The following MPRIP variants were observed in gnomAD, a reference collection of about 807,000 sequenced individuals.
The protein encoded by MPRIP is myosin phosphatase Rho-interacting protein.
MPRIP carries 59 observed loss-of-function variants against 234.9 expected under a neutral mutation model. The ratio of observed to expected loss-of-function variants is 0.25; its 90% confidence interval spans 0.20 to 0.31. The LOEUF (loss-of-function observed/expected upper bound fraction) is 0.31, where lower values mean the gene tolerates loss of function less well. MPRIP is among the 10% of genes least tolerant of loss of function. The pLI, the probability that MPRIP is intolerant of heterozygous loss-of-function variation, is 1.00. For missense variants in MPRIP, 2,436 were observed against 3,071.0 expected, an observed-to-expected ratio of 0.79 and a Z score of 4.89; for synonymous variants, 1,144 against 1,263.9, an observed-to-expected ratio of 0.91 and a Z score of 2.01.
chr17:17,140,089 A>G (rs1260296514), intron 7 of MPRIP, among the ~76,000 whole-genome samples: 3 of 152,216 alleles, frequency 2.0e-5, no homozygotes, highest in African/African-American at 4.8e-5. Flanking sequence ...AAGAAAATAT[A>G]TAAGTAAAGG....
intron 23 of MPRIP, chr17:17,180,533 G>C: frequency 6.7e-6 from 9 of 1,335,306 alleles, no homozygotes; most frequent in Non-Finnish European, 9.7e-6. Context: ...ACAGGAGGGC[G>C]GGCGGAGGTG....
rs542829567 is a variant in MPRIP, at chr17:17,047,152, G to T, written c.123+4181G>T. Among the ~76,000 whole-genome samples, 11 of 152,304 alleles carry T rather than the reference G, an allele frequency of 7.2e-5. No homozygotes were observed. In the South Asian group the frequency reaches 2.1e-3, roughly 29 times the overall value. ...GCCAAGATCGTGCCACAGCACTGCA[G>T]CCTGGGCAACAAAGTGAGACTCCTT... On this transcript the variant is annotated intron_variant, in intron 1 of 23. Transcript: ENST00000651222.
In MPRIP at chr17:17,164,730, G is replaced by A; in HGVS notation, c.3139G>A (p.Ala1047Thr). Residue 1047 changes from alanine (A) to threonine (T), a missense_variant, in exon 16 of 24, where the codon GCC becomes ACC. Around this residue, in one of 4 missense-constraint regions of MPRIP, gnomAD observed 1,998 missense variants for 2,520.3 expected, o/e 0.79. Transcript: ENST00000651222. ...GAACCTAAAGGAAGTGGAAGACAAG[G>A]CCAGCGCCTATGAGGACCAGCTGCA... Reference protein sequence around the residue: ...LQNLKEVEDKASAYEDQLQGQ... With the variant: ...LQNLKEVEDKTSAYEDQLQGQ... 2.3e-6 allele frequency: 3 copies of A among 1,300,694 alleles called. No individual in the cohort carries two copies. Among genetic ancestry groups the A allele is most frequent in the Non-Finnish European group, 3.0e-6 (3 of 987,736 alleles). 80.6% of individuals were successfully genotyped at this position (1,300,694 alleles called of 1,614,324 possible). A position where few individuals can be genotyped will look rare whatever the true frequency, so the allele number is the denominator to read the frequency against.
intron 1 of MPRIP, among the ~76,000 whole-genome samples, chr17:17,061,732 T>C (rs1453913340): frequency 6.6e-6 from 1 of 152,138 alleles, no homozygotes; most frequent in Non-Finnish European, 1.5e-5. Context: ...GGGTGGAGCC[T>C]GGTGTGAGGG....
In MPRIP at chr17:17,190,328, T is replaced by G. The variant is rs921928553; in HGVS notation, c.*5434T>G. 2 of 152,236 alleles carry G rather than the reference T, an allele frequency of 1.3e-5. No homozygotes were observed. Among genetic ancestry groups the G allele is most frequent in the Admixed American group, 1.3e-4 (2 of 15,284 alleles). 9.4% of individuals were successfully genotyped at this position (152,236 alleles called of 1,614,324 possible). On this transcript the variant is annotated 3_prime_UTR_variant, in exon 24 of 24. Coordinates refer to ENST00000651222, the MANE Select transcript of MPRIP (RefSeq NM_001364716.4). ...TCCTTGCACAGCAGCTACGGCAGGT[T>G]GTTCTGCAGCCACCCCTTAGAGGGG...
chr17:17,109,416 A>G (rs1306996101), intron 3 of MPRIP, among the ~76,000 whole-genome samples: 3 of 152,250 alleles, frequency 2.0e-5, no homozygotes, highest in Non-Finnish European at 4.4e-5. Context: ...CTGGGATTCA[A>G]CAGTTAAGTA....
chr17:17,165,588 A>C lies in MPRIP; in HGVS notation c.3997A>C (p.Ile1333Leu). The C allele has an allele frequency of 7.7e-7, 1 of 1,304,776 alleles. No individual in the cohort carries two copies. Among genetic ancestry groups the C allele is most frequent in the Non-Finnish European group, 1.0e-6 (1 of 989,042 alleles). 80.8% of individuals were successfully genotyped at this position (1,304,776 alleles called of 1,614,324 possible). The change falls in exon 16 of 24, where the codon ATT becomes CTT. Residue 1333 changes from isoleucine (I) to leucine (L), a missense_variant. By Grantham distance (5) the Ile-to-Leu change is conservative. Coordinates refer to ENST00000651222, the MANE Select transcript of MPRIP (RefSeq NM_001364716.4). ...CTCCACAATCCAGTGCCAAAGATAC[A>C]TTCACCCCGAAGGGTCTGAGAAGAC... Reference protein sequence around the residue: ...RFSTIQCQRYIHPEGSEKTWT... With the variant: ...RFSTIQCQRYLHPEGSEKTWT...
chr17:17,137,860 A>C, intron 6 of MPRIP, 56 bp from the exon 7 acceptor site: 1 of 1,485,842 alleles, frequency 6.7e-7, no homozygotes, highest in Non-Finnish European at 9.0e-7. Context: ...AAAAGTCCTC[A>C]AAGCAAAGCT....
chr17:17,159,104 C>A, intron 14 of MPRIP, 102 bp downstream of exon 14: 1 of 1,233,798 alleles, frequency 8.1e-7, no homozygotes, highest in Non-Finnish European at 1.1e-6. Flanking sequence ...ACAGTCCTAC[C>A]CGCGAGGGAC....
rs574425006 is a variant in MPRIP, at chr17:17,167,424, C to T, written c.5833C>T (p.Arg1945Trp). The T allele has an allele frequency of 1.5e-5, 19 of 1,304,198 alleles. No homozygotes were observed. Among genetic ancestry groups the T allele is most frequent in the African/African-American group, 6.1e-5 (4 of 65,970 alleles). 80.8% of individuals were successfully genotyped at this position (1,304,198 alleles called of 1,614,324 possible). ...SKHSMSMFTL[R>W]GRYEEEIRCV... ...GCACAGCATGAGCATGTTCACCCTG[C>T]GGGGCAGGTATGAGGAGGAGATTCG... The change falls in exon 16 of 24, where the codon CGG (arginine) becomes TGG (tryptophan). Residue 1945 changes from arginine to tryptophan, a missense_variant. Coordinates refer to ENST00000651222, the MANE Select transcript of MPRIP (RefSeq NM_001364716.4). The surrounding 1 kb of genome is among the most constrained non-coding windows in gnomAD (Gnocchi z 5.9).
intron 9 of MPRIP, 139 bp from the exon 10 acceptor site, chr17:17,145,897 G>T: frequency 1.3e-6 from 1 of 786,754 alleles, no homozygotes; most frequent in Non-Finnish European, 2.1e-6. Flanking sequence ...AGGGTGAGGG[G>T]GCTGCACAGG....
chr17:17,097,918 C>T lies in MPRIP; in HGVS notation c.267+19842C>T, dbSNP rs146829658. 4.6e-5 allele frequency among the ~76,000 whole-genome samples: 7 copies of T among 152,282 alleles called. No individual in the cohort carries two copies. The East Asian group carries it at 5.8e-4, about 13-fold the overall frequency. On this transcript the variant is annotated intron_variant, in intron 3 of 23. Coordinates refer to ENST00000651222, the MANE Select transcript of MPRIP (RefSeq NM_001364716.4). ...GACTAAGTTTGTGGTCTTTGAGAAC[C>T]GAGGTAGCCTGACCCATTGGAAGCC...
chr17:17,176,345 C>T, intron 20 of MPRIP, 81 bp from the exon 21 acceptor site: 1 of 1,078,024 alleles, frequency 9.3e-7, no homozygotes, highest in Non-Finnish European at 1.4e-6. Flanking sequence ...GGAGAGCCCT[C>T]TGCACGCTTC....
At chr17:17,054,690 T>C (rs1487781172) in intron 1 of MPRIP, among the ~76,000 whole-genome samples, 1 of 151,934 alleles carries the variant, frequency 6.6e-6, no homozygotes, top group Non-Finnish European at 1.5e-5. Context: ...AACATTGTTA[T>C]AACAAATCAA....
chr17:17,089,026 A>G (rs2089655114), intron 3 of MPRIP, among the ~76,000 whole-genome samples: 1 of 152,196 alleles, frequency 6.6e-6, no homozygotes, highest in Non-Finnish European at 1.5e-5. Flanking sequence ...GCCCACACAC[A>G]GGCACGGACC....
intron 23 of MPRIP, chr17:17,183,018 C>G (rs1001339193): frequency 6.6e-6 from 1 of 152,354 alleles, no homozygotes; most frequent in Non-Finnish European, 1.5e-5. Context: ...GAACCCTGCA[C>G]TCTGTGGGGA....
At position 17,138,380 on chromosome 17, in the gene MPRIP, C is replaced by T. The variant is rs1323561435; in HGVS notation, c.1201C>T (p.Arg401Trp). Reference protein sequence around the residue: ...RRRLERRTRARSPGREEVARL... With the variant: ...RRRLERRTRAWSPGREEVARL... ...GCGGCTGGAGCGTAGAACTCGGGCC[C>T]GGAGCCCTGGCAGGGAGGAGGTGGC... is the stretch of plus-strand genomic sequence containing the variant. Residue 401 changes from arginine (R) to tryptophan (W), a missense_variant, in exon 7 of 24, where the codon CGG becomes TGG. Arg to Trp is a moderately radical substitution (Grantham distance 101, BLOSUM62 -3). Transcript: ENST00000651222. The surrounding 1 kb of genome is among the most constrained non-coding windows in gnomAD (Gnocchi z 5.8). The T allele has an allele frequency of 6.4e-6, 2 of 311,420 alleles. No individual in the cohort carries two copies. The highest frequency in any genetic ancestry group is 8.5e-5 in the South Asian group (1 of 11,740). 19.3% of individuals were successfully genotyped at this position (311,420 alleles called of 1,614,324 possible).
intron 4 of MPRIP, among the ~76,000 whole-genome samples, chr17:17,130,765 G>A (rs1389346152): frequency 6.6e-6 from 1 of 152,102 alleles, no homozygotes; most frequent in East Asian, 1.9e-4. Context: ...ACTGCCCTCC[G>A]CTCCTCCCAC....
At position 17,165,898 on chromosome 17, in the gene MPRIP, G is replaced by A. The variant is rs1212997104; in HGVS notation, c.4307G>A (p.Ser1436Asn). ...CAGCTGCGTGAGCAGCTCCGCGCCA[G>A]CCTGCTCCAGGTTGGCGCACTGGCC... Reference protein sequence around the residue: ...EAQLREQLRASLLQVGALASQ... With the variant: ...EAQLREQLRANLLQVGALASQ... The change falls in exon 16 of 24, where the codon AGC (serine) becomes AAC (asparagine). Residue 1436 changes from serine (S) to asparagine (N), a missense_variant. Ser to Asn is a conservative substitution (Grantham distance 46). Coordinates refer to ENST00000651222, the MANE Select transcript of MPRIP (RefSeq NM_001364716.4). 1 of 1,303,954 alleles carries A rather than the reference G, an allele frequency of 7.7e-7. No individual in the cohort carries two copies. Among genetic ancestry groups the A allele is most frequent in the Non-Finnish European group, 1.0e-6 (1 of 988,784 alleles). 80.8% of individuals were successfully genotyped at this position (1,303,954 alleles called of 1,614,324 possible). A position where few individuals can be genotyped will look rare whatever the true frequency, so the allele number is the denominator to read the frequency against.
Sources: gnomAD v4.1 joint callset for allele counts (sites outside exome capture counted in the v4.1 genomes callset) on GRCh38, gnomAD v4.1.1 for gene constraint, gnomAD v4.1.1 regional missense constraint, Gnocchi (gnomAD v3.1) non-coding constraint, MANE v1.5 for transcripts, NCBI Gene and HGNC (gene_info 2026-07-23, HGNC 2026-07-21) for gene names.